The following SSBP3 variants were observed in gnomAD, a reference collection of about 807,000 sequenced individuals.
The protein encoded by SSBP3 is single-stranded DNA-binding protein 3.
A neutral mutation model predicts 69.6 loss-of-function variants in SSBP3; 5 were observed. That is an observed-to-expected ratio of 0.07 (90% CI 0.04 to 0.15). The LOEUF is 0.15. Ranked by LOEUF, SSBP3 falls within the 10% of genes least tolerant of loss-of-function variation. SSBP3 has a pLI of 1.00. For synonymous variants in SSBP3, 196 were observed against 193.4 expected, an observed-to-expected ratio of 1.01 and a Z score of -0.11; for missense variants, 312 against 534.0, an observed-to-expected ratio of 0.58 and a Z score of 4.10.
At chr1:54,250,966 C>T (rs1056216651) in intron 9 of SSBP3, among the ~76,000 whole-genome samples, 1 of 152,228 alleles carries the variant, frequency 6.6e-6, no homozygotes. Flanking sequence ...ACCTGAAATG[C>T]TTTCTTCCAA....
At chr1:54,336,250 G>C (rs1646505856) in intron 4 of SSBP3, among the ~76,000 whole-genome samples, 1 of 152,190 alleles carries the variant, frequency 6.6e-6, no homozygotes, top group Non-Finnish European at 1.5e-5. Context: ...GGTCTCTGCA[G>C]TAAGCAGGGC....
chr1:54,270,684 C>T (rs1201491199), intron 5 of SSBP3, among the ~76,000 whole-genome samples: 1 of 152,144 alleles, frequency 6.6e-6, no homozygotes, highest in African/African-American at 2.4e-5. Flanking sequence ...GCCTCTAGAA[C>T]AGTACAGTCC....
In SSBP3 at chr1:54,258,091, C is replaced by G; in HGVS notation, c.425G>C (p.Ser142Thr). The G allele has an allele frequency of 6.3e-7, 1 of 1,597,058 alleles. No homozygotes were observed. Residue 142 changes from serine to threonine, a missense_variant, in exon 6 of 18, where the codon AGC (serine) becomes ACC (threonine). By Grantham distance (58) the Ser-to-Thr change is moderately conservative. This residue lies in a region of SSBP3 where 134 missense variants were observed against 212.1 expected (regional missense o/e 0.63). Coordinates refer to ENST00000610401, the Ensembl canonical transcript of SSBP3. The surrounding 1 kb of genome is among the most constrained non-coding windows in gnomAD (Gnocchi z 4.5). Reference sequence around the variant, plus strand: ...TACCTGACTGTGGGGTCCCATCATGCTGCTAGGATTGTGAGGTGGAGGCTG... The same window carrying G: ...TACCTGACTGTGGGGTCCCATCATGGTGCTAGGATTGTGAGGTGGAGGCTG...
chr1:54,402,309 G>A (rs899544012), intron 3 of SSBP3, among the ~76,000 whole-genome samples: 1 of 152,204 alleles, frequency 6.6e-6, no homozygotes, highest in Non-Finnish European at 1.5e-5. Flanking sequence ...GCCCTAGGAG[G>A]ATGAACGCAA....
At chr1:54,271,438 C>T (rs1645191515) in intron 5 of SSBP3, among the ~76,000 whole-genome samples, 1 of 152,162 alleles carries the variant, frequency 6.6e-6, no homozygotes, top group Non-Finnish European at 1.5e-5. Context: ...ATAGTCAATC[C>T]TCACCACAGC....
At chr1:54,390,731 G>A (rs548354399) in intron 4 of SSBP3, among the ~76,000 whole-genome samples, 4 of 152,364 alleles carry the variant, frequency 2.6e-5, no homozygotes, top group South Asian at 2.1e-4. Context: ...TTTTGAAGCG[G>A]CTCACCAGCG....
At chr1:54,309,575 A>G (rs749081956) in intron 4 of SSBP3, among the ~76,000 whole-genome samples, 1 of 152,226 alleles carries the variant, frequency 6.6e-6, no homozygotes, top group Non-Finnish European at 1.5e-5. Flanking sequence ...GAGCTTAGAC[A>G]ACGCCAGGCA....
chr1:54,377,986 G>A (rs879493386), intron 4 of SSBP3, among the ~76,000 whole-genome samples: 1 of 152,016 alleles, frequency 6.6e-6, no homozygotes, highest in Non-Finnish European at 1.5e-5. Context: ...AAGCCGTGCC[G>A]ATTCACCACA....
chr1:54,366,558 C>T (rs1196067702), intron 4 of SSBP3, among the ~76,000 whole-genome samples: 1 of 152,104 alleles, frequency 6.6e-6, no homozygotes, highest in Non-Finnish European at 1.5e-5. Flanking sequence ...TGAATCAAGA[C>T]AGGTATCAAT....
chr1:54,356,219 G>C (rs926765139), intron 4 of SSBP3, among the ~76,000 whole-genome samples: 2 of 152,200 alleles, frequency 1.3e-5, no homozygotes, highest in African/African-American at 2.4e-5. Flanking sequence ...ATCCCGGGGA[G>C]CTGGCCTGCT....
At chr1:54,399,678 GA>G (rs56174983) in intron 4 of SSBP3, among the ~76,000 whole-genome samples, 29,340 of 152,132 alleles carry the variant, frequency 0.19, 3,014 homozygotes, top group East Asian at 0.41. Context: ...GAGTCAGCAA[GA>G]AGCTACTGCA....
chr1:54,305,784 G>A (rs951972835), intron 4 of SSBP3, among the ~76,000 whole-genome samples: 2 of 150,644 alleles, frequency 1.3e-5, no homozygotes, highest in African/African-American at 2.5e-5. Context: ...TAAAAGACAC[G>A]CCATAGGTGG....
At chr1:54,294,544 G>A (rs1014591524) in intron 4 of SSBP3, among the ~76,000 whole-genome samples, 1 of 152,188 alleles carries the variant, frequency 6.6e-6, no homozygotes, top group African/African-American at 2.4e-5. Flanking sequence ...AGCAATGAGA[G>A]GGAGTGGGGT....
chr1:54,227,191 G>A (rs775791953), intron 17 of SSBP3, 31 bp from the exon 18 acceptor site: 5 of 1,084,120 alleles, frequency 4.6e-6, no homozygotes, highest in Non-Finnish European at 6.9e-6. Flanking sequence ...AGGGGGGGGG[G>A]TGAGGATTGT....
At chr1:54,238,324 C>T (rs1313502525) in intron 14 of SSBP3, 1 of 471,108 alleles carries the variant, frequency 2.1e-6, no homozygotes, top group Non-Finnish European at 4.4e-6. Flanking sequence ...GGCCCCAGGC[C>T]CACTCTCTGG....
chr1:54,381,577 T>C (rs568328141), intron 4 of SSBP3, among the ~76,000 whole-genome samples: 1 of 152,286 alleles, frequency 6.6e-6, no homozygotes, highest in African/African-American at 2.4e-5. Flanking sequence ...TGATCACCAC[T>C]TTCTCCAAAC....
chr1:54,313,461 T>TC (rs1646042239), intron 4 of SSBP3, among the ~76,000 whole-genome samples: 1 of 111,472 alleles, frequency 9.0e-6, no homozygotes, highest in Non-Finnish European at 1.8e-5. Context: ...TTTTTTTTTT[T>TC]CTTTTTAAAG....
chr1:54,328,628 T>C (rs1023253655), intron 4 of SSBP3, among the ~76,000 whole-genome samples: 1 of 152,198 alleles, frequency 6.6e-6, no homozygotes, highest in African/African-American at 2.4e-5. Flanking sequence ...CACTCACATC[T>C]TGAAAAACGC....
intron 4 of SSBP3, among the ~76,000 whole-genome samples, chr1:54,353,295 A>G (rs1000204324): frequency 6.6e-6 from 1 of 152,202 alleles, no homozygotes; most frequent in South Asian, 2.1e-4. Context: ...TGCGAGGGGA[A>G]AAACTGCAGG....
Sources: gnomAD v4.1 joint callset for allele counts (sites outside exome capture counted in the v4.1 genomes callset) on GRCh38, gnomAD v4.1.1 for gene constraint, gnomAD v4.1.1 regional missense constraint, Gnocchi (gnomAD v3.1) non-coding constraint, MANE v1.5 for transcripts, NCBI Gene and HGNC (gene_info 2026-07-23, HGNC 2026-07-21) for gene names.